The following TRIM34 variants were observed in gnomAD, a reference collection of about 807,000 sequenced individuals.
TRIM34 encodes the protein E3 ubiquitin-protein ligase TRIM34.
TRIM34 carries 41 observed loss-of-function variants against 38.1 expected under a neutral mutation model. The observed-to-expected ratio is 1.08, with a 90% CI of 0.84 to 1.40. The LOEUF is 1.40. Among genes scored for constraint, TRIM34 ranks in the 40% most tolerant of loss-of-function variants. The pLI is 0.00. For missense variants in TRIM34, 556 were observed against 571.4 expected (o/e 0.97, Z 0.27); for synonymous variants, 200 against 202.5 (o/e 0.99, Z 0.10).
Position 5,629,968 on chromosome 11 carries a change from A to G in TRIM34, c.-77-2287A>G, listed in dbSNP as rs1315667352. ...TGATCCGCCTGCCTCGGCCTCCCAA[A>G]GTGCTGAGATTACAGGGGTGAGCCA... On this transcript the variant is annotated intron_variant, in intron 1 of 7. Transcript: ENST00000429814. Among the ~76,000 whole-genome samples, 3 of 152,082 alleles carry G rather than the reference A, an allele frequency of 2.0e-5. No individual in the cohort carries two copies. The East Asian group carries it at 5.8e-4, about 29-fold the overall frequency.
upstream of TRIM34, among the ~76,000 whole-genome samples, chr11:5,622,889 G>A (rs779072783): frequency 2.6e-5 from 4 of 152,192 alleles, no homozygotes; most frequent in Non-Finnish European, 5.9e-5. Flanking sequence ...TACCCAAGGT[G>A]GTCAGGGCAC....
intron 1 of TRIM34, among the ~76,000 whole-genome samples, chr11:5,630,544 A>T (rs1346544534): frequency 6.6e-6 from 1 of 152,168 alleles, no homozygotes; most frequent in Non-Finnish European, 1.5e-5. Flanking sequence ...AAAACTTTCG[A>T]ACATGTTATG....
At chr11:5,622,462 A>T (rs1475159649), upstream of TRIM34, among the ~76,000 whole-genome samples, 1 of 145,350 alleles carries the variant, frequency 6.9e-6, no homozygotes, top group Non-Finnish European at 1.5e-5. Context: ...AAAAAAAGAA[A>T]AAAAGAAAAA....
chr11:5,639,925 A>G (rs574813193), intron 4 of TRIM34, among the ~76,000 whole-genome samples: 1 of 152,322 alleles, frequency 6.6e-6, no homozygotes, highest in South Asian at 2.1e-4. Flanking sequence ...ACATCAGTAC[A>G]TCAGAGTAAA....
At chr11:5,634,948 G>A (rs1025841655) in intron 4 of TRIM34, 87 bp downstream of exon 4, 6 of 1,450,808 alleles carry the variant, frequency 4.1e-6, no homozygotes, top group African/African-American at 2.8e-5. Context: ...ACACTAAGGG[G>A]TTTCTTTGGC....
chr11:5,641,262 G>A, intron 5 of TRIM34, 73 bp downstream of exon 5: 2 of 1,605,792 alleles, frequency 1.2e-6, no homozygotes, highest in Non-Finnish European at 1.7e-6. Flanking sequence ...GTTATTTGGT[G>A]GTCAATTGGA....
chr11:5,620,301 C>A (rs1394034742), upstream of TRIM34, among the ~76,000 whole-genome samples: 2 of 151,030 alleles, frequency 1.3e-5, no homozygotes, highest in African/African-American at 4.9e-5. Flanking sequence ...CCTCAACCTC[C>A]CAAGTAACTG....
intron 4 of TRIM34, among the ~76,000 whole-genome samples, chr11:5,637,737 C>T (rs1050734446): frequency 6.6e-6 from 1 of 152,150 alleles, no homozygotes; most frequent in Non-Finnish European, 1.5e-5. Context: ...AAAAACAGCT[C>T]CCCATTCCCT....
intron 3 of TRIM34, 103 bp from the exon 4 acceptor site, chr11:5,634,527 AC>A (rs1849632451): frequency 7.6e-6 from 5 of 656,856 alleles, no homozygotes; most frequent in African/African-American, 2.1e-5. Context: ...ACACACACAC[AC>A]ACATATATAT....
chr11:5,629,147 T>C (rs147432736), intron 1 of TRIM34, among the ~76,000 whole-genome samples: 2 of 152,096 alleles, frequency 1.3e-5, no homozygotes, highest in African/African-American at 4.8e-5. Flanking sequence ...CGTGGTGGCA[T>C]ACACCTGTAA....
rs548364427 is a variant in TRIM34, at chr11:5,632,895, C to T, written c.423+141C>T. ...AGGCTGGAGTGCAGTGGCGTGCTCTCGGCTCACTGCAACCTCTGCCCTCTG... is the reference window on the plus strand; with the variant it reads ...AGGCTGGAGTGCAGTGGCGTGCTCTTGGCTCACTGCAACCTCTGCCCTCTG... On this transcript the variant is annotated intron_variant, in intron 2 of 7. Coordinates refer to ENST00000429814, the MANE Select transcript of TRIM34 (RefSeq NM_021616.6). 1.5e-5 allele frequency: 17 copies of T among 1,160,302 alleles called. No individual in the cohort carries two copies. In the East Asian group the frequency reaches 2.9e-4, roughly 20 times the overall value. 71.9% of individuals were successfully genotyped at this position (1,160,302 alleles called of 1,614,324 possible).
chr11:5,629,978 T>C (rs888619756), intron 1 of TRIM34, among the ~76,000 whole-genome samples: 2 of 152,142 alleles, frequency 1.3e-5, no homozygotes, highest in African/African-American at 4.8e-5. Flanking sequence ...AGTGCTGAGA[T>C]TACAGGGGTG....
intron 2 of TRIM34, among the ~76,000 whole-genome samples, 199 bp downstream of exon 2, chr11:5,632,953 A>G (rs1464174729): frequency 6.7e-6 from 1 of 148,650 alleles, no homozygotes. Context: ...CAGCCTCCCA[A>G]GTAGCTCGGA....
rs1554923130 is a variant in TRIM34 at position 5,643,125 on chromosome 11, A to ATATATATT, written c.902-18_902-17insATATATTT. 900 of 973,772 alleles carry ATATATATT rather than the reference A, an allele frequency of 9.2e-4. 2 individuals carry two copies. The highest frequency in any genetic ancestry group is 1.3e-3 in the African/African-American group (62 of 46,628). 60.3% of individuals were successfully genotyped at this position (973,772 alleles called of 1,614,324 possible). Reference sequence around the variant, plus strand: ...ATTATATTCATATACATATATATATATTTTTTTTTTTCTTGCAGTGGATGT... The same window carrying ATATATATT: ...ATTATATTCATATACATATATATATATATATATTTTTTTTTTTTTCTTGCAGTGGATGT... On this transcript the variant is annotated intron_variant, in intron 7 of 7. Transcript: ENST00000429814.
chr11:5,642,326 A>G (rs1322247713), intron 5 of TRIM34, 80 bp from the exon 6 acceptor site: 35 of 1,286,200 alleles, frequency 2.7e-5, no homozygotes, highest in Non-Finnish European at 3.9e-5. Flanking sequence ...CAGTGATGTG[A>G]AGGAGATGAA....
chr11:5,625,656 G>A (rs1031355371), intron 1 of TRIM34, among the ~76,000 whole-genome samples: 4 of 152,094 alleles, frequency 2.6e-5, no homozygotes, highest in Admixed American at 6.5e-5. Context: ...ACAATAGCAG[G>A]TTGAGTGATG....
chr11:5,626,493 C>T (rs948765600), intron 1 of TRIM34: 6 of 152,034 alleles, frequency 3.9e-5, no homozygotes, highest in African/African-American at 9.7e-5. Flanking sequence ...CTTAAGAATG[C>T]GAGGAAATTA....
Position 5,644,063 on chromosome 11 carries a change from G to T in TRIM34, c.*354G>T. ...GGTAGTCCATAGGAACCACCCCCATGACCACCACCAACATCAACTAAAGGT... is the reference window on the plus strand; with the variant it reads ...GGTAGTCCATAGGAACCACCCCCATTACCACCACCAACATCAACTAAAGGT... On this transcript the variant is annotated 3_prime_UTR_variant, in exon 8 of 8. Coordinates refer to ENST00000429814, the MANE Select transcript of TRIM34 (RefSeq NM_021616.6). The T allele has an allele frequency of 2.4e-6, 1 of 415,554 alleles. No individual in the cohort carries two copies. The highest frequency in any genetic ancestry group is 1.1e-4 in the South Asian group (1 of 9,238). The allele number at this position is 415,554 out of a possible 1,614,324, so 25.7% of individuals were successfully genotyped here.
chr11:5,628,886 G>A lies in TRIM34; in HGVS notation c.-77-3369G>A, dbSNP rs527802112. The stretch of plus-strand genomic sequence containing the variant: ...CTTCTGGTGGTTTCTAGCAAACCTC[G>A]GCATTCTTTGGCTTATATCTGTGCT... On this transcript the variant is annotated intron_variant, in intron 1 of 7. Transcript: ENST00000429814. 4.6e-5 allele frequency among the ~76,000 whole-genome samples: 7 copies of A among 151,688 alleles called. No homozygotes were observed. In the East Asian group the frequency reaches 5.8e-4, roughly 13 times the overall value.
Sources: allele counts gnomAD v4.1 joint callset (sites outside exome capture counted in the v4.1 genomes callset), GRCh38; gene constraint gnomAD v4.1.1; transcripts MANE v1.5; gene names NCBI Gene and HGNC (gene_info 2026-07-23, HGNC 2026-07-21).